The following CACNA1D variants were observed in gnomAD, a reference collection of about 807,000 sequenced individuals.
CACNA1D encodes the protein voltage-dependent L-type calcium channel subunit alpha-1D.
Under a neutral mutation model 257.1 loss-of-function variants are expected in CACNA1D, and 55 were observed. The observed-to-expected ratio is 0.21, with a 90% CI of 0.17 to 0.27. The LOEUF (loss-of-function observed/expected upper bound fraction) is 0.27. CACNA1D is among the 10% of genes least tolerant of loss of function. The pLI is 1.00. For synonymous variants in CACNA1D, 980 were observed against 1,014.9 expected (o/e 0.97, Z 0.65); for missense variants, 1,876 against 2,784.0 (o/e 0.67, Z 7.34).
chr3:53,776,554 C>A, intron 35 of CACNA1D, 49 bp from the exon 36 acceptor site: 3 of 1,611,884 alleles, frequency 1.9e-6, no homozygotes, highest in Non-Finnish European at 2.5e-6. Flanking sequence ...TCAGTTCTAA[C>A]GCAATCCAGC....
intron 26 of CACNA1D, among the ~76,000 whole-genome samples, chr3:53,748,392 G>A (rs2095192241): frequency 6.6e-6 from 1 of 152,156 alleles, no homozygotes; most frequent in South Asian, 2.1e-4. Context: ...AGCTCCTGTA[G>A]GATAAAGAGA....
chr3:53,706,775 C>T (rs1419724047), intron 9 of CACNA1D, among the ~76,000 whole-genome samples: 4 of 152,162 alleles, frequency 2.6e-5, no homozygotes, highest in Non-Finnish European at 5.9e-5. Flanking sequence ...CTCTTCCACC[C>T]TCCCACCCTT....
At chr3:53,662,721 A>G (rs556404302) in intron 5 of CACNA1D, among the ~76,000 whole-genome samples, 40 of 152,346 alleles carry the variant, frequency 2.6e-4, no homozygotes, top group Non-Finnish European at 5.0e-4. Context: ...CATGTTGATT[A>G]TGTACAAAGG....
intron 3 of CACNA1D, among the ~76,000 whole-genome samples, chr3:53,587,320 G>A (rs2093235433): frequency 6.6e-6 from 1 of 152,144 alleles, no homozygotes; most frequent in South Asian, 2.1e-4. Flanking sequence ...ACAGCAGCTA[G>A]GGATTATTTG....
chr3:53,500,117 C>T (rs1000280345), intron 2 of CACNA1D, among the ~76,000 whole-genome samples: 1 of 151,794 alleles, frequency 6.6e-6, no homozygotes, highest in Non-Finnish European at 1.5e-5. Context: ...AGAGGCCGGG[C>T]ACAGTGGCTC....
intron 3 of CACNA1D, among the ~76,000 whole-genome samples, chr3:53,636,623 T>G (rs144419205): frequency 6.6e-6 from 1 of 152,240 alleles, no homozygotes; most frequent in South Asian, 2.1e-4. Context: ...CTATATACTC[T>G]TATATTCTGA....
At chr3:53,622,356 A>G (rs1464295674) in intron 3 of CACNA1D, among the ~76,000 whole-genome samples, 7 of 152,214 alleles carry the variant, frequency 4.6e-5, no homozygotes, top group African/African-American at 1.2e-4. Context: ...GTATTTGCCC[A>G]AGGGAAATAA....
Position 53,761,980 on chromosome 3 carries a change from C to A in CACNA1D, c.3787-18C>A. On this transcript the variant is annotated intron_variant, in intron 29 of 47. Coordinates refer to ENST00000350061, the MANE Select transcript of CACNA1D (RefSeq NM_001128840.3). ...TCATACATGCTCATAAACATCTGCC[C>A]TCGCCTGCTCTGTCCAGGGGTATTT... 2.5e-6 allele frequency: 4 copies of A among 1,580,608 alleles called. No homozygotes were observed. The highest frequency in any genetic ancestry group is 1.1e-5 in the South Asian group (1 of 90,438).
chr3:53,732,141 G>T, intron 18 of CACNA1D, 59 bp downstream of exon 18: 1 of 1,324,136 alleles, frequency 7.6e-7, no homozygotes, highest in South Asian at 1.2e-5. Context: ...ACTGCTCTGT[G>T]ACCACCTGCC....
Position 53,660,216 on chromosome 3 carries a change from T to G in CACNA1D, c.707T>G (p.Val236Gly), listed in dbSNP as rs201032742. Residue 236 changes from valine to glycine, a missense_variant, in exon 5 of 48, where the codon GTC becomes GGC. Val to Gly is a moderately radical substitution (Grantham distance 109). Around this residue, in one of 10 missense-constraint regions of CACNA1D, gnomAD observed 188 missense variants for 390.4 expected, o/e 0.48. Transcript: ENST00000350061. ...AGCGGCAAATCTGGAGGCTTTGATGTCAAAGCCCTCCGTGCCTTTCGAGTG... is the reference window on the plus strand; with the variant it reads ...AGCGGCAAATCTGGAGGCTTTGATGGCAAAGCCCTCCGTGCCTTTCGAGTG... ...HSSGKSGGFD[V>G]KALRAFRVLR... The G allele has an allele frequency of 3.1e-6, 5 of 1,614,064 alleles. No individual in the cohort carries two copies. The highest frequency in any genetic ancestry group is 4.2e-6 in the Non-Finnish European group (5 of 1,179,912).
chr3:53,747,088 T>G (rs955177408), intron 25 of CACNA1D, among the ~76,000 whole-genome samples: 1 of 152,138 alleles, frequency 6.6e-6, no homozygotes, highest in African/African-American at 2.4e-5. Context: ...CACGTTGCAC[T>G]GGTAGTTATT....
Position 53,744,815 on chromosome 3 carries a change from A to G in CACNA1D, c.2994A>G (p.Ala998=). 1.9e-6 allele frequency: 3 copies of G among 1,599,180 alleles called. No individual in the cohort carries two copies. Among genetic ancestry groups the G allele is most frequent in the Non-Finnish European group, 2.6e-6 (3 of 1,166,342 alleles). Residue 998 remains alanine, a synonymous_variant, in exon 23 of 48, where the codon GCA becomes GCG. Coordinates refer to ENST00000350061, the MANE Select transcript of CACNA1D (RefSeq NM_001128840.3). ...VLRPLRAINR[A]KGLKHVVQCV... ...GTCCCCTCAGGGCCATCAACAGAGC[A>G]AAAGGACTTAAGGTTTTGATTCCTC...
At chr3:53,516,266 A>G (rs961523745) in intron 3 of CACNA1D, among the ~76,000 whole-genome samples, 2 of 151,928 alleles carry the variant, frequency 1.3e-5, no homozygotes, top group African/African-American at 2.4e-5. Context: ...CTTTTCCTAT[A>G]CCCCCCTTGA....
chr3:53,753,363 A>T (rs764690953), intron 28 of CACNA1D, among the ~76,000 whole-genome samples: 3 of 152,158 alleles, frequency 2.0e-5, no homozygotes, highest in Non-Finnish European at 4.4e-5. Flanking sequence ...TTCCCCCTTC[A>T]TCATTCAATC....
At chr3:53,689,439 C>T (rs1193920896) in intron 8 of CACNA1D, among the ~76,000 whole-genome samples, 1 of 151,704 alleles carries the variant, frequency 6.6e-6, no homozygotes, top group Non-Finnish European at 1.5e-5. Context: ...AAGCTGCCAC[C>T]TCCCAGAGTG....
chr3:53,634,525 C>G (rs909908926), intron 3 of CACNA1D, among the ~76,000 whole-genome samples: 1 of 152,090 alleles, frequency 6.6e-6, no homozygotes, highest in African/African-American at 2.4e-5. Flanking sequence ...TGTGTGCTTG[C>G]TAGTATGTCC....
At chr3:53,498,807 C>G (rs1314106788) in intron 2 of CACNA1D, among the ~76,000 whole-genome samples, 2 of 152,146 alleles carry the variant, frequency 1.3e-5, no homozygotes, top group Non-Finnish European at 2.9e-5. Context: ...CAGCCAAATG[C>G]TAGGGTAGGA....
chr3:53,633,599 A>G (rs981244803), intron 3 of CACNA1D, among the ~76,000 whole-genome samples: 14 of 152,328 alleles, frequency 9.2e-5, no homozygotes, highest in South Asian at 2.1e-4. Context: ...GTAGCCGGGA[A>G]GTCATCCAGC....
At chr3:53,754,838 T>C (rs957374568) in intron 29 of CACNA1D, among the ~76,000 whole-genome samples, 1 of 152,244 alleles carries the variant, frequency 6.6e-6, no homozygotes, top group Admixed American at 6.5e-5. Flanking sequence ...TTTCACATAC[T>C]CCATAGTTAC....
Sources: gnomAD v4.1 joint callset for allele counts (sites outside exome capture counted in the v4.1 genomes callset) on GRCh38, gnomAD v4.1.1 for gene constraint, gnomAD v4.1.1 regional missense constraint, MANE v1.5 for transcripts, NCBI Gene and HGNC (gene_info 2026-07-23, HGNC 2026-07-21) for gene names.